DNER: variants seen among roughly 807,000 people sequenced by gnomAD.
DNER encodes the protein delta/notch like EGF repeat containing, also known as delta and Notch-like epidermal growth factor-related receptor.
A neutral mutation model predicts 78.2 loss-of-function variants in DNER; 33 were observed. The ratio of observed to expected loss-of-function variants is 0.42; its 90% CI spans 0.32 to 0.56. DNER has a LOEUF of 0.56. DNER is among the 20% of genes least tolerant of loss of function. The pLI is 0.11. For synonymous variants in DNER, 417 were observed against 384.8 expected, an observed-to-expected ratio of 1.08 and a Z score of -0.98; for missense variants, 918 against 975.3, an observed-to-expected ratio of 0.94 and a Z score of 0.78.
chr2:229,431,920 A>G (rs541473252), intron 8 of DNER, among the ~76,000 whole-genome samples: 1 of 152,212 alleles, frequency 6.6e-6, no homozygotes, highest in Non-Finnish European at 1.5e-5. Flanking sequence ...ATAACATTCA[A>G]ATATTTCTCT....
intron 1 of DNER, among the ~76,000 whole-genome samples, chr2:229,709,487 G>T (rs1015339690): frequency 6.6e-6 from 1 of 152,184 alleles, no homozygotes; most frequent in Non-Finnish European, 1.5e-5. Flanking sequence ...GTCTGTGTGT[G>T]TGTGTGTGTT....
intron 11 of DNER, among the ~76,000 whole-genome samples, chr2:229,386,513 C>T (rs1178264618): frequency 6.6e-6 from 1 of 151,978 alleles, no homozygotes; most frequent in Non-Finnish European, 1.5e-5. Context: ...GCAAAAGAAA[C>T]TATCATCATA....
intron 5 of DNER, among the ~76,000 whole-genome samples, chr2:229,533,113 G>A (rs1160332765): frequency 6.6e-6 from 1 of 152,182 alleles, no homozygotes; most frequent in African/African-American, 2.4e-5. Flanking sequence ...GCGAGAAAAG[G>A]CTGAATTATT....
At chr2:229,703,490 C>T (rs1457384801) in intron 1 of DNER, among the ~76,000 whole-genome samples, 1 of 152,136 alleles carries the variant, frequency 6.6e-6, no homozygotes, top group Non-Finnish European at 1.5e-5. Context: ...GCAAAGATCT[C>T]TCAGATAGGA....
chr2:229,433,065 G>A (rs1020093177), intron 8 of DNER, among the ~76,000 whole-genome samples: 1 of 152,088 alleles, frequency 6.6e-6, no homozygotes, highest in Non-Finnish European at 1.5e-5. Flanking sequence ...TTAGCCTCCT[G>A]AGTAGCTGGG....
chr2:229,391,306 A>G (rs1443110176), intron 10 of DNER, among the ~76,000 whole-genome samples: 1 of 152,220 alleles, frequency 6.6e-6, no homozygotes, highest in Non-Finnish European at 1.5e-5. Context: ...CTTAGTATAC[A>G]GTATTATCTT....
chr2:229,534,283 G>T (rs1696363093), intron 5 of DNER, among the ~76,000 whole-genome samples: 1 of 151,898 alleles, frequency 6.6e-6, no homozygotes, highest in Admixed American at 6.6e-5. Flanking sequence ...CCAATAGATT[G>T]TAATAAAATA....
chr2:229,392,955 T>G (rs780257524), intron 10 of DNER, among the ~76,000 whole-genome samples: 1 of 152,008 alleles, frequency 6.6e-6, no homozygotes, highest in Non-Finnish European at 1.5e-5. Context: ...CATAACTGCA[T>G]GAAAATCAGT....
chr2:229,678,076 T>C (rs1699325070), intron 1 of DNER, among the ~76,000 whole-genome samples: 1 of 152,196 alleles, frequency 6.6e-6, no homozygotes, highest in Non-Finnish European at 1.5e-5. Context: ...TTTAATGAGC[T>C]TTGTACACAA....
At chr2:229,459,449 T>C (rs79858534) in intron 7 of DNER, among the ~76,000 whole-genome samples, 1,597 of 152,204 alleles carry the variant, frequency 0.01, 33 homozygotes, top group African/African-American at 0.037. Flanking sequence ...AAAATTTTAT[T>C]GAGTTCTTAC....
chr2:229,578,257 C>T (rs1264350953), intron 4 of DNER, among the ~76,000 whole-genome samples: 2 of 152,132 alleles, frequency 1.3e-5, no homozygotes, highest in Non-Finnish European at 2.9e-5. Flanking sequence ...TCCCTATCAC[C>T]CTGAGTCTTC....
At position 229,714,203 on chromosome 2, in the gene DNER, C is replaced by A; in HGVS notation, c.221G>T (p.Gly74Val). 1 of 1,381,316 alleles carries A rather than the reference C, an allele frequency of 7.2e-7. No individual in the cohort carries two copies. 85.6% of individuals were successfully genotyped at this position (1,381,316 alleles called of 1,614,324 possible). A position where few individuals can be genotyped will look rare whatever the true frequency, so the allele number is the denominator to read the frequency against. Residue 74 changes from glycine to valine, a missense_variant, in exon 1 of 13, where the codon GGC (glycine) becomes GTC (valine). Physicochemically the swap from Gly to Val is moderately radical, Grantham distance 109. Coordinates refer to ENST00000341772, the MANE Select transcript of DNER (RefSeq NM_139072.4). ...GCAGGTGCAGCTGTAGCCAGGCTCGCCGGCGGGGGCCGGGTGCTGCGGGTC... is the reference window on the plus strand; with the variant it reads ...GCAGGTGCAGCTGTAGCCAGGCTCGACGGCGGGGGCCGGGTGCTGCGGGTC... ...EPDPQHPAPA[G>V]EPGYSCTCPA... is the part of the protein sequence containing the mutation.
Position 229,585,902 on chromosome 2 carries a change from A to T in DNER, c.803T>A (p.Val268Asp), listed in dbSNP as rs140793854. 4 of 1,614,054 alleles carry T rather than the reference A, an allele frequency of 2.5e-6. No homozygotes were observed. The highest frequency in any genetic ancestry group is 3.4e-6 in the Non-Finnish European group (4 of 1,179,988). The part of the protein sequence containing the change: ...VTPLQASGGL[V>D]LLEEMLALGN... Reference sequence around the variant, plus strand: ...CAAGGCGAGCATCTCCTCCAGGAGGACCAGTCCCCCTGAAGCCTGAAGGGG... The same window carrying T: ...CAAGGCGAGCATCTCCTCCAGGAGGTCCAGTCCCCCTGAAGCCTGAAGGGG... Residue 268 changes from valine (V) to aspartate (D), a missense_variant, in exon 4 of 13, where the codon GTC becomes GAC. By Grantham distance (152) the Val-to-Asp change is radical. Transcript: ENST00000341772.
At position 229,447,179 on chromosome 2, in the gene DNER, A is replaced by G. The variant is rs945264020; in HGVS notation, c.1486+137T>C. 6 of 809,674 alleles carry G rather than the reference A, an allele frequency of 7.4e-6. No homozygotes were observed. The East Asian group carries it at 1.6e-4, about 22-fold the overall frequency. 50.2% of individuals were successfully genotyped at this position (809,674 alleles called of 1,614,324 possible). On this transcript the variant is annotated intron_variant, in intron 8 of 12. Coordinates refer to ENST00000341772, the MANE Select transcript of DNER (RefSeq NM_139072.4). ...TATTCACAAGTATATCAGTAAGTAT[A>G]CTTACTTACAAGCATACCAGTAAGT...
chr2:229,501,826 C>T (rs6736713), intron 6 of DNER, among the ~76,000 whole-genome samples: 52,242 of 151,904 alleles, frequency 0.34, 9,449 homozygotes, highest in East Asian at 0.46. Context: ...AAATAGTTAA[C>T]CCACAAAGAA....
At chr2:229,399,997 A>G (rs1441288193) in intron 10 of DNER, among the ~76,000 whole-genome samples, 3 of 152,068 alleles carry the variant, frequency 2.0e-5, no homozygotes, top group East Asian at 3.9e-4. Flanking sequence ...TAAATGCAAA[A>G]TAAGTGGTAC....
chr2:229,575,660 C>T (rs551599762), intron 4 of DNER, among the ~76,000 whole-genome samples: 1 of 152,234 alleles, frequency 6.6e-6, no homozygotes, highest in South Asian at 2.1e-4. Context: ...GCCTGGGAAG[C>T]CCATCCCAGC....
intron 7 of DNER, among the ~76,000 whole-genome samples, chr2:229,462,153 AAATC>A (rs1694716341): frequency 6.6e-6 from 1 of 152,136 alleles, no homozygotes; most frequent in Non-Finnish European, 1.5e-5. Flanking sequence ...AAGTAGAAAG[AAATC>A]AATACCCTTG....
intron 4 of DNER, among the ~76,000 whole-genome samples, chr2:229,584,638 C>T (rs1473794728): frequency 6.6e-6 from 1 of 152,076 alleles, no homozygotes; most frequent in Non-Finnish European, 1.5e-5. Context: ...ATTTCTACGC[C>T]AAAGCGGAGG....
Sources: allele counts gnomAD v4.1 joint callset (sites outside exome capture counted in the v4.1 genomes callset), GRCh38; gene constraint gnomAD v4.1.1; transcripts MANE v1.5; gene names NCBI Gene and HGNC (gene_info 2026-07-23, HGNC 2026-07-21).